Variants in ADGRV1 observed in about 807,000 individuals in gnomAD.
ADGRV1 encodes the protein G-protein coupled receptor 98.
A neutral mutation model predicts 596.2 loss-of-function variants in ADGRV1; 359 were observed. The ratio of observed to expected loss-of-function variants is 0.60; its 90% CI spans 0.55 to 0.66. The LOEUF is 0.66. Ranked by LOEUF, ADGRV1 falls within the 30% of genes least tolerant of loss-of-function variation. The pLI, the probability that ADGRV1 is intolerant of heterozygous loss-of-function variation, is 0.00. For missense variants in ADGRV1, 7,274 were observed against 7,575.6 expected (o/e 0.96, Z 1.48); for synonymous variants, 2,681 against 2,679.2 (o/e 1.00, Z -0.02).
chr5:91,093,557 A>G (rs1790562874), intron 86 of ADGRV1, among the ~76,000 whole-genome samples: 1 of 152,240 alleles, frequency 6.6e-6, no homozygotes, highest in Non-Finnish European at 1.5e-5. Context: ...ATATAAAGAT[A>G]AGTAAGATAG....
intron 50 of ADGRV1, among the ~76,000 whole-genome samples, chr5:90,732,060 A>T (rs1218696723): frequency 6.6e-6 from 1 of 152,162 alleles, no homozygotes; most frequent in Non-Finnish European, 1.5e-5. Context: ...TAATGTAGTG[A>T]TGCAATCATA....
At chr5:90,741,435 GT>G (rs2149890584) in intron 50 of ADGRV1, among the ~76,000 whole-genome samples, 1 of 152,146 alleles carries the variant, frequency 6.6e-6, no homozygotes, top group Admixed American at 6.5e-5. Context: ...TATTTGTTTA[GT>G]TTTTGTCTAC....
intron 87 of ADGRV1, among the ~76,000 whole-genome samples, chr5:91,109,713 T>C (rs1411151708): frequency 2.6e-5 from 4 of 152,144 alleles, no homozygotes; most frequent in African/African-American, 9.7e-5. Context: ...TCACATCCCA[T>C]GCAGGAACAA....
At chr5:90,841,184 T>G (rs1000389858) in intron 78 of ADGRV1, among the ~76,000 whole-genome samples, 199 bp downstream of exon 78, 1 of 152,062 alleles carries the variant, frequency 6.6e-6, no homozygotes, top group African/African-American at 2.4e-5. Flanking sequence ...TCTTTGGAAA[T>G]CTCAGTCTTA....
intron 1 of ADGRV1, among the ~76,000 whole-genome samples, chr5:90,560,473 T>C (rs541868075): frequency 6.6e-6 from 1 of 152,222 alleles, no homozygotes; most frequent in African/African-American, 2.4e-5. Context: ...TTATAGATAA[T>C]GATACTGAAG....
At chr5:91,115,752 G>T (rs1377234335) in intron 87 of ADGRV1, among the ~76,000 whole-genome samples, 1 of 152,208 alleles carries the variant, frequency 6.6e-6, no homozygotes, top group Admixed American at 6.5e-5. Flanking sequence ...CTCGAGGCCA[G>T]TCTGGCTAAC....
intron 8 of ADGRV1, 57 bp downstream of exon 8, chr5:90,628,889 A>C: frequency 6.6e-7 from 1 of 1,515,980 alleles, no homozygotes. Flanking sequence ...ACAAGAACCA[A>C]AGAATTTGGT....
chr5:91,074,506 T>A (rs1788676296), intron 86 of ADGRV1, among the ~76,000 whole-genome samples: 1 of 152,234 alleles, frequency 6.6e-6, no homozygotes, highest in Non-Finnish European at 1.5e-5. Context: ...GGAGATGATC[T>A]CGGTTTTTTA....
At chr5:91,060,247 G>C (rs1787283311) in intron 85 of ADGRV1, among the ~76,000 whole-genome samples, 1 of 151,922 alleles carries the variant, frequency 6.6e-6, no homozygotes, top group Non-Finnish European at 1.5e-5. Context: ...TTGGTTTTTT[G>C]AGACACTCTG....
chr5:90,820,001 A>T (rs1336247310), intron 75 of ADGRV1, among the ~76,000 whole-genome samples: 1 of 150,220 alleles, frequency 6.7e-6, no homozygotes, highest in Non-Finnish European at 1.5e-5. Flanking sequence ...GATCTGTCTA[A>T]TGTTGACAGT....
intron 64 of ADGRV1, chr5:90,779,830 T>C (rs2150085278): frequency 6.6e-6 from 1 of 152,306 alleles, no homozygotes; most frequent in East Asian, 1.9e-4. Context: ...AGAAGAATCA[T>C]AAAGACATTT....
chr5:90,877,552 G>A (rs1010643803), intron 83 of ADGRV1, among the ~76,000 whole-genome samples: 1 of 149,672 alleles, frequency 6.7e-6, no homozygotes, highest in South Asian at 2.1e-4. Context: ...GAAAGTTTCT[G>A]TCTGTTAGGC....
At chr5:90,843,626 A>G (rs1227853254) in intron 78 of ADGRV1, among the ~76,000 whole-genome samples, 2 of 152,326 alleles carry the variant, frequency 1.3e-5, no homozygotes, top group East Asian at 3.9e-4. Flanking sequence ...AGCCTCAGAC[A>G]AAACCCAGAA....
chr5:91,086,827 G>A (rs1477114641), intron 86 of ADGRV1, among the ~76,000 whole-genome samples: 1 of 152,016 alleles, frequency 6.6e-6, no homozygotes, highest in Non-Finnish European at 1.5e-5. Flanking sequence ...TCTTTCCTGT[G>A]AGTTTAAGCT....
At chr5:90,646,114 A>G (rs1426645439) in intron 16 of ADGRV1, 23 bp downstream of exon 16, 10 of 1,514,620 alleles carry the variant, frequency 6.6e-6, no homozygotes, top group African/African-American at 1.4e-5. Flanking sequence ...TCTTATTTGA[A>G]TGAGTTTACA....
rs776701155 is a variant in ADGRV1, at chr5:90,658,169, T to A, written c.4643T>A (p.Val1548Glu). 6.3e-7 allele frequency: 1 copy of A among 1,599,922 alleles called. No homozygotes were observed. Among genetic ancestry groups the A allele is most frequent in the South Asian group, 1.1e-5 (1 of 89,102 alleles). Reference protein sequence around the residue: ...EELFILKLVSVYGGARISEEN... With the variant: ...EELFILKLVSEYGGARISEEN... ...TTATTCATTCTTAAACTAGTTTCTG[T>A]ATATGGAGGAGCTCGTATTTCGGAA... The change falls in exon 21 of 90, where the codon GTA becomes GAA. Residue 1548 changes from valine (V) to glutamate (E), a missense_variant. By Grantham distance (121) the Val-to-Glu change is moderately radical. Transcript: ENST00000405460.
chr5:90,949,479 G>A (rs1446749300), intron 83 of ADGRV1, among the ~76,000 whole-genome samples: 1 of 152,166 alleles, frequency 6.6e-6, no homozygotes, highest in Non-Finnish European at 1.5e-5. Context: ...TGTAGTACAT[G>A]TATTCCTCTT....
intron 87 of ADGRV1, among the ~76,000 whole-genome samples, chr5:91,137,041 G>A (rs1199396083): frequency 2.0e-5 from 3 of 152,150 alleles, no homozygotes; most frequent in African/African-American, 4.8e-5. Context: ...TTGAGGTCAT[G>A]GCAATTAAAA....
intron 83 of ADGRV1, among the ~76,000 whole-genome samples, chr5:90,885,317 G>T (rs759072741): frequency 6.6e-6 from 1 of 152,108 alleles, no homozygotes. Context: ...TTGTTCCCAG[G>T]TGATTAACTC....
Sources: allele counts gnomAD v4.1 joint callset (sites outside exome capture counted in the v4.1 genomes callset), GRCh38; gene constraint gnomAD v4.1.1; transcripts MANE v1.5; gene names NCBI Gene and HGNC (gene_info 2026-07-23, HGNC 2026-07-21).